CEP128: variants seen among roughly 807,000 people sequenced by gnomAD.
CEP128 encodes centrosomal protein 128.
CEP128 carries 132 observed loss-of-function variants against 156.7 expected under a neutral mutation model. The observed-to-expected ratio is 0.84, with a 90% CI of 0.73 to 0.97. The LOEUF (loss-of-function observed/expected upper bound fraction) is 0.97. Among genes scored for constraint, CEP128 ranks in the 50% least tolerant of loss-of-function variants. CEP128 has a pLI of 0.00. For synonymous variants in CEP128, 469 were observed against 448.9 expected, an observed-to-expected ratio of 1.04 and a Z score of -0.57; for missense variants, 1,252 against 1,281.9, an observed-to-expected ratio of 0.98 and a Z score of 0.36.
chr14:80,866,773 C>T (rs1034790815), intron 8 of CEP128, among the ~76,000 whole-genome samples: 8 of 152,120 alleles, frequency 5.3e-5, no homozygotes, highest in South Asian at 2.1e-4. Flanking sequence ...CACCAGCAAG[C>T]AATCCCAAAG....
In CEP128 at chr14:80,678,047, A is replaced by ATATATATATATATAT. The variant is rs1555390193; in HGVS notation, c.2806+65027_2806+65028insATATATATATATATA. ...ACATGGACAGTTGCTCTATAAAAAA[A>ATATATATATATATAT]AAATATATATATATATGTATATATA... On this transcript the variant is annotated intron_variant, in intron 19 of 24. Transcript: ENST00000555265. Among the ~76,000 whole-genome samples the ATATATATATATATAT allele has an allele frequency of 3.7e-3, 253 of 68,484 alleles. 1 individual carries two copies. The highest frequency in any genetic ancestry group is 0.018 in the East Asian group (45 of 2,542). The allele number at this position is 68,484 out of a possible 152,430, so 44.9% of individuals were successfully genotyped here. A position where few individuals can be genotyped will look rare whatever the true frequency, so the allele number is the denominator to read the frequency against.
At chr14:80,560,708 G>A (rs1890633472) in intron 20 of CEP128, among the ~76,000 whole-genome samples, 1 of 152,112 alleles carries the variant, frequency 6.6e-6, no homozygotes, top group South Asian at 2.1e-4. Context: ...AAATGTGAAA[G>A]GGGAGACTGG....
intron 19 of CEP128, among the ~76,000 whole-genome samples, chr14:80,613,612 G>T (rs553715910): frequency 1.3e-5 from 2 of 151,922 alleles, no homozygotes; most frequent in Admixed American, 1.3e-4. Context: ...CCTGGCCGGA[G>T]AACATTTTTA....
chr14:80,858,141 A>G (rs903085484), intron 9 of CEP128, among the ~76,000 whole-genome samples: 1 of 151,758 alleles, frequency 6.6e-6, no homozygotes, highest in Non-Finnish European at 1.5e-5. Context: ...CCTGACTTCA[A>G]ACTATACTAC....
At chr14:80,801,675 G>A (rs536195688) in intron 13 of CEP128, among the ~76,000 whole-genome samples, 9 of 151,912 alleles carry the variant, frequency 5.9e-5, no homozygotes, top group African/African-American at 1.9e-4. Flanking sequence ...TTAGGAGGTC[G>A]AGGCAGGCAG....
intron 16 of CEP128, among the ~76,000 whole-genome samples, chr14:80,763,066 T>C (rs1043175410): frequency 1.3e-5 from 2 of 152,174 alleles, no homozygotes; most frequent in African/African-American, 2.4e-5. Context: ...TTTCTCCCTA[T>C]AGACAGATCT....
intron 19 of CEP128, among the ~76,000 whole-genome samples, chr14:80,742,088 G>C (rs1239993813): frequency 6.6e-6 from 1 of 152,130 alleles, no homozygotes; most frequent in Non-Finnish European, 1.5e-5. Flanking sequence ...AACAGCATTT[G>C]CTTGGTAGCA....
At chr14:80,635,744 A>G (rs1156999205) in intron 19 of CEP128, among the ~76,000 whole-genome samples, 1 of 152,188 alleles carries the variant, frequency 6.6e-6, no homozygotes, top group African/African-American at 2.4e-5. Context: ...GAGCCTCCCT[A>G]CTGTGAACAT....
chr14:80,704,452 A>G (rs1445384333), intron 19 of CEP128, among the ~76,000 whole-genome samples: 1 of 149,634 alleles, frequency 6.7e-6, no homozygotes, highest in Non-Finnish European at 1.5e-5. Context: ...ACATTTTCAT[A>G]TTTTCTATAT....
At chr14:80,742,518 T>C (rs1203466957) in intron 19 of CEP128, among the ~76,000 whole-genome samples, 11 of 152,218 alleles carry the variant, frequency 7.2e-5, no homozygotes, top group Admixed American at 7.2e-4. Flanking sequence ...ATGCTAAGAA[T>C]TTAATAACAG....
intron 4 of CEP128, among the ~76,000 whole-genome samples, chr14:80,909,883 C>T (rs1308771083): frequency 6.6e-6 from 1 of 152,054 alleles, no homozygotes; most frequent in Non-Finnish European, 1.5e-5. Flanking sequence ...CTAGGTGTAA[C>T]GCCAAACCAA....
At chr14:80,649,727 G>C (rs1411434032) in intron 19 of CEP128, among the ~76,000 whole-genome samples, 2 of 152,074 alleles carry the variant, frequency 1.3e-5, no homozygotes, top group Admixed American at 1.3e-4. Flanking sequence ...ATCTAGTCCT[G>C]ATGGAAAAGC....
At chr14:80,874,195 G>A (rs1326434699) in intron 8 of CEP128, among the ~76,000 whole-genome samples, 1 of 152,150 alleles carries the variant, frequency 6.6e-6, no homozygotes, top group Non-Finnish European at 1.5e-5. Flanking sequence ...GCAGTGGGGT[G>A]GCTCACACCT....
chr14:80,512,657 T>C (rs1280712563), intron 23 of CEP128, among the ~76,000 whole-genome samples: 1 of 151,988 alleles, frequency 6.6e-6, no homozygotes, highest in Admixed American at 6.6e-5. Context: ...TTCCTGGTCT[T>C]CTTCTTCCTT....
chr14:80,688,046 G>C (rs1896587162), intron 19 of CEP128, among the ~76,000 whole-genome samples: 1 of 151,986 alleles, frequency 6.6e-6, no homozygotes, highest in Non-Finnish European at 1.5e-5. Context: ...AACAGAACAA[G>C]TTTCCATCTG....
chr14:80,807,991 C>T (rs925923965), intron 13 of CEP128, among the ~76,000 whole-genome samples: 12 of 152,228 alleles, frequency 7.9e-5, no homozygotes, highest in African/African-American at 2.9e-4. Flanking sequence ...TAGAGCACAT[C>T]AAAAAAGCAG....
intron 19 of CEP128, among the ~76,000 whole-genome samples, chr14:80,652,598 T>A (rs1375247710): frequency 6.6e-6 from 1 of 152,102 alleles, no homozygotes; most frequent in African/African-American, 2.4e-5. Context: ...AAGCTAATCA[T>A]CACAGGTCAT....
chr14:80,911,373 G>A (rs536161863), intron 4 of CEP128, among the ~76,000 whole-genome samples: 1 of 152,206 alleles, frequency 6.6e-6, no homozygotes, highest in Non-Finnish European at 1.5e-5. Flanking sequence ...AGGTGTAGTG[G>A]TACACAACTG....
At chr14:80,783,350 G>A (rs977988807) in intron 15 of CEP128, among the ~76,000 whole-genome samples, 1 of 152,016 alleles carries the variant, frequency 6.6e-6, no homozygotes, top group East Asian at 1.9e-4. Context: ...AATTACCTGA[G>A]TTCAAATCCT....
Sources: gnomAD v4.1 joint callset for allele counts (sites outside exome capture counted in the v4.1 genomes callset) on GRCh38, gnomAD v4.1.1 for gene constraint, MANE v1.5 for transcripts, NCBI Gene and HGNC (gene_info 2026-07-23, HGNC 2026-07-21) for gene names.